The following OR9Q1 variants were observed in gnomAD, a reference collection of about 807,000 sequenced individuals.
OR9Q1 encodes the protein olfactory receptor 9Q1.
For synonymous variants in OR9Q1, 153 were observed against 148.6 expected, an observed-to-expected ratio of 1.03 and a Z score of -0.22; for missense variants, 374 against 378.8, an observed-to-expected ratio of 0.99 and a Z score of 0.11.
chr11:58,174,648 AG>A (rs1475710781), intron 2 of OR9Q1, among the ~76,000 whole-genome samples: 2 of 148,460 alleles, frequency 1.3e-5, no homozygotes, highest in East Asian at 1.9e-4. Flanking sequence ...ATCCTTATCT[AG>A]TATGTTAGAA....
At chr11:58,082,981 A>T (rs1019432460) in intron 2 of OR9Q1, among the ~76,000 whole-genome samples, 1 of 146,046 alleles carries the variant, frequency 6.8e-6, no homozygotes, top group Non-Finnish European at 1.5e-5. Context: ...GAGTGTAATG[A>T]TAGTTTCTTT....
intron 2 of OR9Q1, among the ~76,000 whole-genome samples, chr11:58,074,387 G>C (rs562989540): frequency 2.0e-5 from 3 of 152,018 alleles, no homozygotes; most frequent in Admixed American, 6.6e-5. Flanking sequence ...TCATATGTTT[G>C]TTGGCCACAT....
intron 2 of OR9Q1, among the ~76,000 whole-genome samples, chr11:58,076,857 T>C (rs913835372): frequency 3.9e-5 from 6 of 152,140 alleles, no homozygotes; most frequent in Non-Finnish European, 8.8e-5. Context: ...CTAAACTGAC[T>C]TTTTCACTAT....
chr11:58,075,519 G>A (rs1853531343), intron 2 of OR9Q1: 1 of 152,216 alleles, frequency 6.6e-6, no homozygotes, highest in Non-Finnish European at 1.5e-5. Context: ...AGGTGCTTAG[G>A]TCATGATAGC....
rs1476061500 is a variant in OR9Q1, at chr11:58,039,152, C to T, written c.-93+15048C>T. Among the ~76,000 whole-genome samples, 3 of 152,188 alleles carry T rather than the reference C, an allele frequency of 2.0e-5. No individual in the cohort carries two copies. The East Asian group carries it at 5.8e-4, about 30-fold the overall frequency. On this transcript the variant is annotated intron_variant, in intron 1 of 2. Transcript: ENST00000335397. ...CTATAGAAGCACACCACCTCACCCACCTAATTTTTGTATTTTTAGTAGAGA... is the reference window on the plus strand; with the variant it reads ...CTATAGAAGCACACCACCTCACCCATCTAATTTTTGTATTTTTAGTAGAGA...
intron 2 of OR9Q1, among the ~76,000 whole-genome samples, chr11:58,059,581 A>T (rs114626682): frequency 0.042 from 6,267 of 148,160 alleles, 147 homozygotes; most frequent in East Asian, 0.067. Context: ...CTGTAATTCC[A>T]GTTACTTGAG....
chr11:58,093,649 A>G (rs1853704230), intron 2 of OR9Q1, among the ~76,000 whole-genome samples: 1 of 150,636 alleles, frequency 6.6e-6, no homozygotes, highest in Non-Finnish European at 1.5e-5. Flanking sequence ...AGTCCCAGCT[A>G]CTCAGAAGGC....
chr11:58,102,782 C>T (rs1853797100), intron 2 of OR9Q1, among the ~76,000 whole-genome samples: 2 of 152,132 alleles, frequency 1.3e-5, no homozygotes, highest in East Asian at 3.9e-4. Flanking sequence ...TTTTAAAGTT[C>T]CTGGATCTGG....
At chr11:58,145,557 G>A (rs140184066) in intron 2 of OR9Q1, among the ~76,000 whole-genome samples, 4 of 152,190 alleles carry the variant, frequency 2.6e-5, no homozygotes, top group Non-Finnish European at 4.4e-5. Flanking sequence ...TTGGGTTCCA[G>A]TACTTTCTTT....
intron 2 of OR9Q1, among the ~76,000 whole-genome samples, chr11:58,166,876 T>C (rs1206578259): frequency 1.3e-5 from 2 of 152,228 alleles, no homozygotes; most frequent in Non-Finnish European, 2.9e-5. Context: ...TATTTATTTG[T>C]ATACATGTAT....
intron 2 of OR9Q1, among the ~76,000 whole-genome samples, chr11:58,156,874 G>C (rs1014482071): frequency 2.0e-5 from 3 of 152,200 alleles, no homozygotes; most frequent in Admixed American, 2.0e-4. Flanking sequence ...TTCAGTTGCA[G>C]AACAGTTTAA....
intron 2 of OR9Q1, among the ~76,000 whole-genome samples, chr11:58,070,944 A>G (rs868697688): frequency 4.6e-5 from 7 of 152,198 alleles, no homozygotes; most frequent in South Asian, 4.1e-4. Flanking sequence ...CCCTAGTCTC[A>G]TGGCTGACGC....
At chr11:58,064,271 A>C (rs981048549) in intron 2 of OR9Q1, among the ~76,000 whole-genome samples, 8 of 152,258 alleles carry the variant, frequency 5.3e-5, no homozygotes, top group African/African-American at 1.9e-4. Context: ...TCCATGGACC[A>C]GCATTCAGAA....
At chr11:58,058,444 C>T (rs1440140450) in intron 2 of OR9Q1, among the ~76,000 whole-genome samples, 3 of 152,130 alleles carry the variant, frequency 2.0e-5, no homozygotes, top group African/African-American at 4.8e-5. Context: ...CTGGGCGCAG[C>T]GCCAACAGGA....
chr11:58,029,293 G>T (rs1340018666), intron 1 of OR9Q1, among the ~76,000 whole-genome samples: 7 of 152,170 alleles, frequency 4.6e-5, no homozygotes, highest in Admixed American at 4.6e-4. Context: ...GAGGGACTTA[G>T]TTCCTCTCCA....
chr11:58,114,520 A>T (rs1853932367), intron 2 of OR9Q1, among the ~76,000 whole-genome samples: 1 of 152,048 alleles, frequency 6.6e-6, no homozygotes, highest in South Asian at 2.1e-4. Context: ...GACTACAGGG[A>T]TATTAAATCC....
intron 1 of OR9Q1, among the ~76,000 whole-genome samples, chr11:58,054,216 A>C (rs1346961287): frequency 6.6e-6 from 1 of 152,266 alleles, no homozygotes; most frequent in Admixed American, 6.5e-5. Context: ...CTTTAGATCC[A>C]GTGGTTTGAT....
intron 2 of OR9Q1, among the ~76,000 whole-genome samples, chr11:58,110,070 G>C (rs1590595435): frequency 6.6e-6 from 1 of 152,076 alleles, no homozygotes; most frequent in Admixed American, 6.5e-5. Context: ...CATGACTCCA[G>C]GCAGGGCCAT....
intron 2 of OR9Q1, among the ~76,000 whole-genome samples, chr11:58,085,361 G>A (rs911120037): frequency 6.6e-6 from 1 of 151,708 alleles, no homozygotes; most frequent in African/African-American, 2.4e-5. Flanking sequence ...ATCTCCAAAA[G>A]TTCCTTTTGT....
Sources: allele counts gnomAD v4.1 joint callset (sites outside exome capture counted in the v4.1 genomes callset), GRCh38; gene constraint gnomAD v4.1.1; transcripts MANE v1.5; gene names NCBI Gene and HGNC (gene_info 2026-07-23, HGNC 2026-07-21).